Variants in CNTN4 observed in about 807,000 individuals in gnomAD.
CNTN4 encodes contactin 4, also known as contactin-4.
Under a neutral mutation model 122.5 loss-of-function variants are expected in CNTN4, and 77 were observed. The observed-to-expected ratio is 0.63, with a 90% CI of 0.52 to 0.76. The LOEUF is 0.76. CNTN4 is among the 30% of genes least tolerant of loss of function. The probability of loss-of-function intolerance (pLI) is 0.00; values close to 1 mark genes in which losing one functional copy is unlikely to be tolerated. For missense variants in CNTN4, 1,256 were observed against 1,259.1 expected, an observed-to-expected ratio of 1.00 and a Z score of 0.04; for synonymous variants, 512 against 447.0, an observed-to-expected ratio of 1.15 and a Z score of -1.83.
At chr3:2,759,301 G>A (rs367996619) in intron 6 of CNTN4, among the ~76,000 whole-genome samples, 36 of 152,150 alleles carry the variant, frequency 2.4e-4, no homozygotes, top group African/African-American at 4.8e-4. Context: ...GATTACAGGT[G>A]CCTGCCACCA....
At chr3:3,006,091 T>A (rs536644258) in intron 14 of CNTN4, among the ~76,000 whole-genome samples, 1 of 152,124 alleles carries the variant, frequency 6.6e-6, no homozygotes, top group East Asian at 1.9e-4. Flanking sequence ...GGTTTCAGGA[T>A]GGTCTTGATC....
At chr3:2,099,802 C>A (rs1311150639) in intron 1 of CNTN4, 2 of 152,332 alleles carry the variant, frequency 1.3e-5, no homozygotes, top group Non-Finnish European at 2.9e-5. Context: ...CGCCGGGCGC[C>A]CCACAGACCC....
chr3:2,532,772 A>T (rs972956250), intron 3 of CNTN4, among the ~76,000 whole-genome samples: 1 of 152,186 alleles, frequency 6.6e-6, no homozygotes, highest in African/African-American at 2.4e-5. Context: ...CTTTCGTGTC[A>T]TACAGTAATA....
At chr3:2,171,093 A>G (rs914811446) in intron 2 of CNTN4, among the ~76,000 whole-genome samples, 4 of 152,230 alleles carry the variant, frequency 2.6e-5, no homozygotes, top group Admixed American at 1.3e-4. Context: ...TTAAAAAACT[A>G]AATTCTGTAA....
At chr3:2,365,717 G>A (rs372093979) in intron 3 of CNTN4, among the ~76,000 whole-genome samples, 2 of 152,032 alleles carry the variant, frequency 1.3e-5, no homozygotes, top group African/African-American at 2.4e-5. Flanking sequence ...TGATTCTTGA[G>A]TTTAAATAAA....
intron 3 of CNTN4, among the ~76,000 whole-genome samples, chr3:2,494,478 C>G (rs2076400901): frequency 6.6e-6 from 1 of 152,072 alleles, no homozygotes; most frequent in African/African-American, 2.4e-5. Flanking sequence ...GATAAGGGGC[C>G]TTGTTGAAGC....
chr3:2,507,807 G>A (rs2149048768), intron 3 of CNTN4, among the ~76,000 whole-genome samples: 1 of 147,932 alleles, frequency 6.8e-6, no homozygotes, highest in African/African-American at 2.5e-5. Context: ...ATAAGGATAA[G>A]TCAGTTCTCC....
At chr3:2,624,788 C>A (rs1340382987) in intron 4 of CNTN4, among the ~76,000 whole-genome samples, 1 of 151,834 alleles carries the variant, frequency 6.6e-6, no homozygotes, top group Non-Finnish European at 1.5e-5. Flanking sequence ...CATACTACCA[C>A]TCCCAGCTAA....
Position 3,000,867 on chromosome 3 carries a change from T to C in CNTN4, c.1486+12395T>C, listed in dbSNP as rs375808121. On this transcript the variant is annotated intron_variant, in intron 14 of 24. Coordinates refer to ENST00000418658, the MANE Select transcript of CNTN4 (RefSeq NM_175607.3). ...CTGACTTTGTTTTCTTACTGTAGAG[T>C]CTTTCTTTCTTTCTTTTTTTTTTTT... 8.8e-4 allele frequency among the ~76,000 whole-genome samples: 118 copies of C among 134,348 alleles called. No individual in the cohort carries two copies. The East Asian group carries it at 0.02, about 23-fold the overall frequency. The allele number at this position is 134,348 out of a possible 152,430, so 88.1% of individuals were successfully genotyped here.
chr3:2,279,781 CTATA>C (rs1004412980), intron 2 of CNTN4, among the ~76,000 whole-genome samples: 1 of 150,810 alleles, frequency 6.6e-6, no homozygotes, highest in Non-Finnish European at 1.5e-5. Flanking sequence ...CTACATATAT[CTATA>C]TATATATTCT....
chr3:2,378,588 T>C (rs1030888829), intron 3 of CNTN4, among the ~76,000 whole-genome samples: 10 of 152,210 alleles, frequency 6.6e-5, no homozygotes, highest in East Asian at 1.9e-4. Flanking sequence ...GAGACTGTGC[T>C]AGGTGCTTGG....
At chr3:2,889,294 C>A (rs1364714717) in intron 10 of CNTN4, among the ~76,000 whole-genome samples, 3 of 152,158 alleles carry the variant, frequency 2.0e-5, no homozygotes, top group Non-Finnish European at 4.4e-5. Context: ...ATGAGCTGGG[C>A]AGTAGCTGTT....
chr3:2,445,766 A>G (rs1039233265), intron 3 of CNTN4, among the ~76,000 whole-genome samples: 2 of 151,890 alleles, frequency 1.3e-5, no homozygotes, highest in African/African-American at 4.8e-5. Flanking sequence ...TTTTCTTGCC[A>G]TGTATTTGCC....
intron 3 of CNTN4, among the ~76,000 whole-genome samples, chr3:2,470,111 G>A (rs1455632831): frequency 2.0e-5 from 3 of 151,832 alleles, no homozygotes; most frequent in African/African-American, 7.3e-5. Flanking sequence ...TCTCGCCCAG[G>A]CTGGAGTGCA....
Position 3,040,077 on chromosome 3 carries a change from A to G in CNTN4, c.2204A>G (p.Tyr735Cys), listed in dbSNP as rs1179501584. The part of the protein sequence containing the change: ...EELQNGRGFG[Y>C]VVAFRPYGKM... ...TTACAGAATGGTCGAGGCTTTGGTT[A>G]TGTGGTGGCCTTCCGGCCCTACGGT... Residue 735 changes from tyrosine to cysteine, a missense_variant, in exon 20 of 25, where the codon TAT becomes TGT. Coordinates refer to ENST00000418658, the MANE Select transcript of CNTN4 (RefSeq NM_175607.3). The G allele has an allele frequency of 1.9e-6, 3 of 1,614,054 alleles. No individual in the cohort carries two copies. The Admixed American group carries it at 5.0e-5, about 27-fold the overall frequency.
intron 12 of CNTN4, among the ~76,000 whole-genome samples, chr3:2,908,161 A>G (rs1467644093): frequency 6.6e-6 from 1 of 152,198 alleles, no homozygotes; most frequent in Admixed American, 6.5e-5. Context: ...GTGTATTACA[A>G]TTAGAGTAAA....
At chr3:2,741,494 CA>C (rs1162769998) in intron 5 of CNTN4, among the ~76,000 whole-genome samples, 1 of 152,150 alleles carries the variant, frequency 6.6e-6, no homozygotes, top group Admixed American at 6.5e-5. Flanking sequence ...CTTTTTAAAG[CA>C]GAAGGCCGCT....
chr3:2,749,970 G>A (rs2090011220), intron 6 of CNTN4, among the ~76,000 whole-genome samples: 1 of 152,082 alleles, frequency 6.6e-6, no homozygotes, highest in Admixed American at 6.6e-5. Flanking sequence ...AAAAAAAAAT[G>A]TTGCTTTTTG....
chr3:2,835,449 T>C (rs878955961), intron 7 of CNTN4, among the ~76,000 whole-genome samples: 1 of 152,230 alleles, frequency 6.6e-6, no homozygotes. Flanking sequence ...TACATACTTA[T>C]GTATTTTCTC....
Sources: gnomAD v4.1 joint callset for allele counts (sites outside exome capture counted in the v4.1 genomes callset) on GRCh38, gnomAD v4.1.1 for gene constraint, MANE v1.5 for transcripts, NCBI Gene and HGNC (gene_info 2026-07-23, HGNC 2026-07-21) for gene names.